PAWR: variants seen among roughly 807,000 people sequenced by gnomAD.
PAWR encodes PRKC apoptosis WT1 regulator protein.
Under a neutral mutation model 32.0 loss-of-function variants are expected in PAWR, and 23 were observed. The ratio of observed to expected loss-of-function variants is 0.72; its 90% CI spans 0.52 to 1.02. PAWR has a LOEUF of 1.02. Among genes scored for constraint, PAWR ranks in the 50% least tolerant of loss-of-function variants. PAWR has a pLI of 0.00. For missense variants in PAWR, 457 were observed against 437.7 expected (o/e 1.04, Z -0.39); for synonymous variants, 226 against 187.1 (o/e 1.21, Z -1.70).
At chr12:79,664,646 T>G (rs1168714149) in intron 2 of PAWR, among the ~76,000 whole-genome samples, 2 of 85,920 alleles carry the variant, frequency 2.3e-5, no homozygotes, top group African/African-American at 1.0e-4. Flanking sequence ...AAGGACAAAG[T>G]AGACTCTTTG....
chr12:79,667,924 A>T, intron 2 of PAWR: 1 of 146,428 alleles, frequency 6.8e-6, no homozygotes, highest in Non-Finnish European at 1.5e-5. Context: ...TTTTTTTGAG[A>T]CGGAGTTTTG....
intron 4 of PAWR, among the ~76,000 whole-genome samples, chr12:79,605,175 A>G (rs952644967): frequency 3.3e-5 from 5 of 152,140 alleles, no homozygotes; most frequent in Non-Finnish European, 5.9e-5. Flanking sequence ...TGGCTGCATT[A>G]TAACTGTTTA....
intron 2 of PAWR, among the ~76,000 whole-genome samples, chr12:79,647,647 C>A (rs1299934028): frequency 6.6e-6 from 1 of 152,086 alleles, no homozygotes. Flanking sequence ...GTTAGGTCAT[C>A]AAAATAGGTA....
At chr12:79,649,208 T>C (rs920343313) in intron 2 of PAWR, among the ~76,000 whole-genome samples, 1 of 152,194 alleles carries the variant, frequency 6.6e-6, no homozygotes, top group African/African-American at 2.4e-5. Context: ...CTTTGAAGCA[T>C]CATAAACATG....
At chr12:79,684,031 T>C (rs1185400621) in intron 2 of PAWR, among the ~76,000 whole-genome samples, 2 of 152,126 alleles carry the variant, frequency 1.3e-5, no homozygotes, top group Non-Finnish European at 1.5e-5. Context: ...CCAGAGGTTC[T>C]AAGAACATAA....
chr12:79,645,346 A>T (rs1008653795), intron 2 of PAWR, among the ~76,000 whole-genome samples: 10 of 152,230 alleles, frequency 6.6e-5, no homozygotes, highest in Admixed American at 5.9e-4. Flanking sequence ...AAGATTACTT[A>T]GCCCACTAAG....
chr12:79,648,101 C>T (rs1876665452), intron 2 of PAWR, among the ~76,000 whole-genome samples: 1 of 152,190 alleles, frequency 6.6e-6, no homozygotes, highest in South Asian at 2.1e-4. Context: ...TCACCTCCTG[C>T]TGTGTGGCCT....
intron 2 of PAWR, among the ~76,000 whole-genome samples, chr12:79,639,904 TCC>T (rs1876234454): frequency 7.8e-6 from 1 of 127,748 alleles, no homozygotes; most frequent in Non-Finnish European, 1.5e-5. Context: ...TCCATTCCAT[TCC>T]ATTCCATTCT....
At chr12:79,675,228 A>G (rs536293140) in intron 2 of PAWR, among the ~76,000 whole-genome samples, 1 of 152,072 alleles carries the variant, frequency 6.6e-6, no homozygotes, top group African/African-American at 2.4e-5. Context: ...AATACAAAAA[A>G]TTTTAGCTGG....
intron 4 of PAWR, among the ~76,000 whole-genome samples, chr12:79,608,985 C>T (rs1874318794): frequency 6.6e-6 from 1 of 152,096 alleles, no homozygotes. Flanking sequence ...GTAAAGGTTG[C>T]TTCAGCCCAG....
chr12:79,613,565 G>A lies in PAWR; in HGVS notation c.683+10C>T. ...TGTCTACAATATGTTTAAGTCATAAGGATTCTTACCTTTTATATCTGCCTG... is the reference window on the plus strand; with the variant it reads ...TGTCTACAATATGTTTAAGTCATAAAGATTCTTACCTTTTATATCTGCCTG... On this transcript the variant is annotated intron_variant, in intron 4 of 6. Transcript: ENST00000328827. 1.4e-6 allele frequency: 2 copies of A among 1,457,238 alleles called. No individual in the cohort carries two copies. The highest frequency in any genetic ancestry group is 1.9e-6 in the Non-Finnish European group (2 of 1,044,968). 90.3% of individuals were successfully genotyped at this position (1,457,238 alleles called of 1,614,324 possible). A position where few individuals can be genotyped will look rare whatever the true frequency, so the allele number is the denominator to read the frequency against.
At chr12:79,667,034 T>C (rs1877641330) in intron 2 of PAWR, among the ~76,000 whole-genome samples, 1 of 152,230 alleles carries the variant, frequency 6.6e-6, no homozygotes, top group Admixed American at 6.5e-5. Context: ...CCTGCCTTTC[T>C]GGATGGAACC....
chr12:79,625,051 C>A (rs967817274), intron 2 of PAWR, among the ~76,000 whole-genome samples: 1 of 151,966 alleles, frequency 6.6e-6, no homozygotes, highest in South Asian at 2.1e-4. Flanking sequence ...ATGACATTAC[C>A]TGTTCTCCCA....
chr12:79,631,594 T>C (rs1366537472), intron 2 of PAWR, among the ~76,000 whole-genome samples: 3 of 152,118 alleles, frequency 2.0e-5, no homozygotes, highest in African/African-American at 7.2e-5. Context: ...ACTATACCCT[T>C]ACATTACAAC....
chr12:79,680,077 C>T (rs1472322146), intron 2 of PAWR, among the ~76,000 whole-genome samples: 1 of 152,178 alleles, frequency 6.6e-6, no homozygotes, highest in Non-Finnish European at 1.5e-5. Context: ...GACATATACG[C>T]ACTATAACAT....
At chr12:79,607,781 G>A (rs938008643) in intron 4 of PAWR, among the ~76,000 whole-genome samples, 4 of 150,580 alleles carry the variant, frequency 2.7e-5, no homozygotes, top group Non-Finnish European at 5.9e-5. Context: ...GATTTTTCTG[G>A]TTTTGACCCT....
At chr12:79,690,425 A>C in intron 1 of PAWR, 34 bp from the exon 2 acceptor site, 1 of 1,272,960 alleles carries the variant, frequency 7.9e-7, no homozygotes, top group Non-Finnish European at 1.0e-6. Context: ...CGGGTAAGGG[A>C]AGCGTAAGAT....
In PAWR at chr12:79,585,887, T is replaced by C. The variant is rs956914652; in HGVS notation, c.*6720A>G. The C allele has an allele frequency of 6.6e-6, 1 of 152,110 alleles. No homozygotes were observed. The highest frequency in any genetic ancestry group is 2.4e-5 in the African/African-American group (1 of 41,400). The allele number at this position is 152,110 out of a possible 1,614,324, so 9.4% of individuals were successfully genotyped here. ...CATCTTGCCCAGCTCATTTATTTTT[T>C]TGTATAGACGGCATAACCCTGTGTT... is the stretch of plus-strand genomic sequence containing the variant. On this transcript the variant is annotated 3_prime_UTR_variant, in exon 7 of 7. Transcript: ENST00000328827.
At position 79,588,983 on chromosome 12, in the gene PAWR, A is replaced by C. The variant is rs1039542525; in HGVS notation, c.*3624T>G. The C allele has an allele frequency of 6.6e-6, 1 of 152,028 alleles. No individual in the cohort carries two copies. The highest frequency in any genetic ancestry group is 2.4e-5 in the African/African-American group (1 of 41,426). The allele number at this position is 152,028 out of a possible 1,614,324, so 9.4% of individuals were successfully genotyped here. A position where few individuals can be genotyped will look rare whatever the true frequency, so the allele number is the denominator to read the frequency against. ...TAGTATTATGTTTTCGGCTTAATGT[A>C]ACAACAAAAGAAAGTTGTCACACTA... On this transcript the variant is annotated 3_prime_UTR_variant, in exon 7 of 7. Coordinates refer to ENST00000328827, the MANE Select transcript of PAWR (RefSeq NM_002583.4).
Sources: gnomAD v4.1 joint callset for allele counts (sites outside exome capture counted in the v4.1 genomes callset) on GRCh38, gnomAD v4.1.1 for gene constraint, MANE v1.5 for transcripts, NCBI Gene and HGNC (gene_info 2026-07-23, HGNC 2026-07-21) for gene names.